SORBS2: variants seen among roughly 807,000 people sequenced by gnomAD.
SORBS2 encodes the protein sorbin and SH3 domain-containing protein 2.
A neutral mutation model predicts 97.7 loss-of-function variants in SORBS2; 46 were observed. The observed-to-expected ratio is 0.47, with a 90% CI of 0.37 to 0.60. The LOEUF is 0.60. SORBS2 is among the 20% of genes least tolerant of loss of function. The pLI, the probability that SORBS2 is intolerant of heterozygous loss-of-function variation, is 0.00. For missense variants in SORBS2, 1,316 were observed against 1,282.3 expected (o/e 1.03, Z -0.40); for synonymous variants, 476 against 473.4 (o/e 1.01, Z -0.07).
chr4:185,901,378 A>G (rs1198608860), intron 1 of SORBS2, among the ~76,000 whole-genome samples: 1 of 151,888 alleles, frequency 6.6e-6, no homozygotes, highest in Non-Finnish European at 1.5e-5. Flanking sequence ...AATTTTTTGT[A>G]TTTTTAGTAG....
intron 1 of SORBS2, among the ~76,000 whole-genome samples, chr4:185,856,586 C>G (rs892749337): frequency 6.6e-6 from 1 of 152,066 alleles, no homozygotes; most frequent in Non-Finnish European, 1.5e-5. Flanking sequence ...TTAAAATATT[C>G]TATTTTCCTT....
At chr4:185,825,054 G>A (rs906514159) in intron 1 of SORBS2, among the ~76,000 whole-genome samples, 2 of 152,246 alleles carry the variant, frequency 1.3e-5, no homozygotes, top group Admixed American at 1.3e-4. Context: ...GGCTCTCCGA[G>A]ATTCTGCACC....
chr4:185,725,246 G>T (rs1448751013), intron 2 of SORBS2, among the ~76,000 whole-genome samples: 1 of 152,120 alleles, frequency 6.6e-6, no homozygotes, highest in Non-Finnish European at 1.5e-5. Flanking sequence ...GTTACAAAAG[G>T]ATGGAAATTA....
intron 1 of SORBS2, among the ~76,000 whole-genome samples, chr4:185,908,641 T>A (rs989704827): frequency 2.0e-5 from 3 of 151,922 alleles, no homozygotes; most frequent in Non-Finnish European, 4.4e-5. Context: ...GGAGACAATC[T>A]TCTAGACCTC....
chr4:185,793,293 C>A lies in SORBS2; in HGVS notation c.-337-17927G>T, dbSNP rs1425532101. Among the ~76,000 whole-genome samples, 3 of 152,320 alleles carry A rather than the reference C, an allele frequency of 2.0e-5. No homozygotes were observed. In the East Asian group the frequency reaches 5.8e-4, roughly 29 times the overall value. ...CAGTCTCTACTAGCCTAGGCAGTGG[C>A]AGGATGGCTGTTCTTTGGGAATAAG... is the stretch of plus-strand genomic sequence containing the variant. On this transcript the variant is annotated intron_variant, in intron 1 of 20. Transcript: ENST00000284776.
At chr4:185,950,436 C>A (rs2099276673) in intron 1 of SORBS2, among the ~76,000 whole-genome samples, 1 of 151,998 alleles carries the variant, frequency 6.6e-6, no homozygotes. Context: ...CATGGTTTGG[C>A]CACAGTTAAT....
intron 2 of SORBS2, among the ~76,000 whole-genome samples, chr4:185,696,556 T>G (rs542069724): frequency 2.2e-4 from 34 of 152,218 alleles, no homozygotes; most frequent in African/African-American, 8.2e-4. Context: ...CGGGGTCAAG[T>G]GATTCTCCTG....
rs73017824 is a variant in SORBS2, at chr4:185,783,476, G to C, written c.-337-8110C>G. Reference sequence around the variant, plus strand: ...TTAGCAACCTCATTGGTTTACCTCTGTGCCTGCAAATATTCTTGATTTTAT... The same window carrying C: ...TTAGCAACCTCATTGGTTTACCTCTCTGCCTGCAAATATTCTTGATTTTAT... On this transcript the variant is annotated intron_variant, in intron 1 of 20. Coordinates refer to the SORBS2 transcript ENST00000284776. Among the ~76,000 whole-genome samples, 1,033 of 152,276 alleles carry C rather than the reference G, an allele frequency of 6.8e-3. 9 individuals are homozygous for C. The highest frequency in any genetic ancestry group is 0.023 in the African/African-American group (960 of 41,558).
exon 6 of SORBS2, chr4:185,626,887 G>T (rs762284090): frequency 9.3e-6 from 15 of 1,614,244 alleles, no homozygotes; most frequent in Non-Finnish European, 1.3e-5. Flanking sequence ...TTGTAAGAGT[G>T]GTGCTTGATC....
chr4:185,666,034 G>T (rs543953057), intron 4 of SORBS2: 3 of 1,289,550 alleles, frequency 2.3e-6, no homozygotes, highest in East Asian at 5.5e-5. Flanking sequence ...CACACCATCG[G>T]GGGGCGGAAG....
intron 1 of SORBS2, among the ~76,000 whole-genome samples, chr4:185,912,165 G>A (rs142072087): frequency 4.5e-4 from 68 of 152,118 alleles, no homozygotes; most frequent in African/African-American, 1.5e-3. Flanking sequence ...TTTTTAATTA[G>A]CAGTGCTTCT....
intron 7 of SORBS2, 95 bp downstream of exon 19, chr4:185,622,819 C>T: frequency 7.7e-7 from 1 of 1,299,232 alleles, no homozygotes; most frequent in Non-Finnish European, 1.1e-6. Context: ...AAATGGTCTC[C>T]CAGCTCGGGA....
In SORBS2 at chr4:185,642,404, A is replaced by AT. The variant is rs372864873; in HGVS notation, c.396+4263dup. Among the ~76,000 whole-genome samples the AT allele has an allele frequency of 6.0e-4, 89 of 148,924 alleles. 1 individual carries two copies. The highest frequency in any genetic ancestry group is 6.9e-3 in the Middle Eastern group (2 of 288). On this transcript the variant is annotated intron_variant, in intron 4 of 14. Coordinates refer to ENST00000418609, the Ensembl canonical transcript of SORBS2. ...GAGGTCCTAAACAAATGCTTTATTA[A>AT]TTTTTTTTTTTAAATTTAACATTAC...
rs188388924 is a variant in SORBS2, at chr4:185,718,488, A to G, written c.-197-39666T>C. Among the ~76,000 whole-genome samples the G allele has an allele frequency of 4.7e-4, 72 of 152,328 alleles. 1 individual carries two copies. The East Asian group carries it at 0.013, about 28-fold the overall frequency. On this transcript the variant is annotated intron_variant, in intron 2 of 20. Transcript: ENST00000284776. ...AAACTACTGAAAGCAGGAGAGTTCAAGGAAGCCAAGAGAAGCTGAGAAAGT... is the reference window on the plus strand; with the variant it reads ...AAACTACTGAAAGCAGGAGAGTTCAGGGAAGCCAAGAGAAGCTGAGAAAGT...
At chr4:185,673,306 C>T (rs1002773881) in intron 4 of SORBS2, among the ~76,000 whole-genome samples, 3 of 152,148 alleles carry the variant, frequency 2.0e-5, no homozygotes, top group African/African-American at 7.2e-5. Flanking sequence ...GTTAAGAAGG[C>T]AGATCTCATG....
chr4:185,646,486 T>C (rs142700806), intron 4 of SORBS2, 182 bp downstream of exon 13: 9,373 of 548,652 alleles, frequency 0.017, 351 homozygotes, highest in East Asian at 0.09. Flanking sequence ...GTAAAGACAA[T>C]ATATTAGAAC....
intron 1 of SORBS2, among the ~76,000 whole-genome samples, chr4:185,895,264 G>T (rs1159034012): frequency 6.6e-6 from 1 of 152,204 alleles, no homozygotes; most frequent in Admixed American, 6.5e-5. Flanking sequence ...GACTTGTTTT[G>T]GTGTCACAGC....
At chr4:185,710,337 C>A (rs2098407414) in intron 2 of SORBS2, among the ~76,000 whole-genome samples, 1 of 152,188 alleles carries the variant, frequency 6.6e-6, no homozygotes, top group Non-Finnish European at 1.5e-5. Flanking sequence ...CGTCTTGCGA[C>A]ATAAAATAAC....
intron 1 of SORBS2, among the ~76,000 whole-genome samples, chr4:185,883,695 A>G (rs937226915): frequency 3.3e-5 from 5 of 152,214 alleles, no homozygotes; most frequent in Non-Finnish European, 7.3e-5. Context: ...AAAAATTAAC[A>G]AATTAAATTA....
Sources: gnomAD v4.1 joint callset for allele counts (sites outside exome capture counted in the v4.1 genomes callset) on GRCh38, gnomAD v4.1.1 for gene constraint, MANE v1.5 for transcripts, NCBI Gene and HGNC (gene_info 2026-07-23, HGNC 2026-07-21) for gene names.